Variants in TRPS1 observed in about 807,000 individuals in gnomAD.
TRPS1 encodes zinc finger transcription factor Trps1.
A neutral mutation model predicts 101.2 loss-of-function variants in TRPS1; 6 were observed. That is an observed-to-expected ratio of 0.06 (90% CI 0.03 to 0.12). TRPS1 has a LOEUF of 0.12. Among genes scored for constraint, TRPS1 ranks in the 10% least tolerant of loss-of-function variants. The probability of loss-of-function intolerance (pLI) is 1.00; values close to 1 mark genes in which losing one functional copy is unlikely to be tolerated. For missense variants in TRPS1, 1,363 were observed against 1,567.0 expected, an observed-to-expected ratio of 0.87 and a Z score of 2.20; for synonymous variants, 578 against 589.8, an observed-to-expected ratio of 0.98 and a Z score of 0.29.
In TRPS1 at chr8:115,413,762, T is replaced by C; in HGVS notation, c.*261A>G. The C allele has an allele frequency of 2.2e-6, 1 of 463,940 alleles. No individual in the cohort carries two copies. The highest frequency in any genetic ancestry group is 3.9e-6 in the Non-Finnish European group (1 of 259,076). 28.7% of individuals were successfully genotyped at this position (463,940 alleles called of 1,614,324 possible). ...TATGGATTATTTCCCCAGTACATAT[T>C]AGCCAAGATGGTTTTGACTTAACAG... On this transcript the variant is annotated 3_prime_UTR_variant, in exon 7 of 7. Coordinates refer to ENST00000395715, the MANE Select transcript of TRPS1 (RefSeq NM_014112.5).
intron 5 of TRPS1, among the ~76,000 whole-genome samples, chr8:115,513,461 G>A (rs1313510905): frequency 1.3e-5 from 2 of 151,686 alleles, no homozygotes; most frequent in East Asian, 1.9e-4. Flanking sequence ...TAGACAAGAA[G>A]TGCCTTTTTG....
chr8:115,582,749 T>C (rs918478023), intron 5 of TRPS1, among the ~76,000 whole-genome samples: 1 of 152,196 alleles, frequency 6.6e-6, no homozygotes, highest in Non-Finnish European at 1.5e-5. Context: ...TGAAGCCAAG[T>C]AGCACAAAAT....
chr8:115,656,690 ACTC>A (rs1811684250), intron 1 of TRPS1, among the ~76,000 whole-genome samples: 1 of 151,988 alleles, frequency 6.6e-6, no homozygotes, highest in African/African-American at 2.4e-5. Flanking sequence ...CCCTCTAACT[ACTC>A]CTTAGAAATG....
Position 115,408,720 on chromosome 8 carries a change from TTC to T in TRPS1, c.*5301_*5302del, listed in dbSNP as rs1281868871. The stretch of plus-strand genomic sequence containing the variant: ...ATTCAAATCAGGACTACAAATTGAA[TTC>T]TTTTTCTTAGCAACATGAAATCATT... On this transcript the variant is annotated 3_prime_UTR_variant, in exon 7 of 7. Transcript: ENST00000395715. 4.6e-5 allele frequency: 7 copies of T among 152,100 alleles called. No individual in the cohort carries two copies. Among genetic ancestry groups the T allele is most frequent in the Admixed American group, 1.3e-4 (2 of 15,174 alleles). The allele number at this position is 152,100 out of a possible 1,614,324, so 9.4% of individuals were successfully genotyped here.
intron 5 of TRPS1, among the ~76,000 whole-genome samples, chr8:115,449,834 T>A (rs1368855924): frequency 6.6e-6 from 1 of 152,168 alleles, no homozygotes; most frequent in Non-Finnish European, 1.5e-5. Flanking sequence ...CCCATCAGAC[T>A]GCTGGAAGAG....
chr8:115,535,136 T>G (rs1224601836), intron 5 of TRPS1, among the ~76,000 whole-genome samples: 1 of 148,030 alleles, frequency 6.8e-6, no homozygotes, highest in Non-Finnish European at 1.5e-5. Flanking sequence ...AGCATATATA[T>G]AGCATATATA....
At chr8:115,433,372 G>A in intron 5 of TRPS1, among the ~76,000 whole-genome samples, 1 of 151,772 alleles carries the variant, frequency 6.6e-6, no homozygotes, top group East Asian at 1.9e-4. Flanking sequence ...CAGGCATATT[G>A]GGAATTTTAA....
chr8:115,438,884 A>T (rs1813521542), intron 5 of TRPS1, among the ~76,000 whole-genome samples: 1 of 152,158 alleles, frequency 6.6e-6, no homozygotes, highest in Non-Finnish European at 1.5e-5. Context: ...ATTCACAGTA[A>T]AGCAAGCATT....
At chr8:115,435,897 T>C (rs1362506908) in intron 5 of TRPS1, among the ~76,000 whole-genome samples, 1 of 151,998 alleles carries the variant, frequency 6.6e-6, no homozygotes, top group Non-Finnish European at 1.5e-5. Flanking sequence ...AAGGTAAATA[T>C]ACATGAAGCA....
intron 5 of TRPS1, among the ~76,000 whole-genome samples, chr8:115,566,260 T>C (rs1279764251): frequency 6.6e-6 from 1 of 152,152 alleles, no homozygotes; most frequent in Non-Finnish European, 1.5e-5. Context: ...TAGAAGAGCC[T>C]AAAGTCACTA....
chr8:115,631,470 C>T (rs143295874), intron 1 of TRPS1, among the ~76,000 whole-genome samples: 143 of 152,190 alleles, frequency 9.4e-4, no homozygotes, highest in Middle Eastern at 6.8e-3. Context: ...TCATTTCCAT[C>T]ATCAGCACTA....
chr8:115,631,658 GAT>G (rs1818645458), intron 1 of TRPS1, among the ~76,000 whole-genome samples: 1 of 148,062 alleles, frequency 6.8e-6, no homozygotes, highest in Non-Finnish European at 1.5e-5. Flanking sequence ...TGGATGGATG[GAT>G]GGATGGATGG....
At chr8:115,650,480 A>C (rs1030308239) in intron 1 of TRPS1, among the ~76,000 whole-genome samples, 4 of 152,214 alleles carry the variant, frequency 2.6e-5, no homozygotes, top group Admixed American at 1.3e-4. Flanking sequence ...GGAATGTACA[A>C]TAATAGCAGG....
chr8:115,524,031 G>A (rs1464630282), intron 5 of TRPS1, among the ~76,000 whole-genome samples: 1 of 152,120 alleles, frequency 6.6e-6, no homozygotes, highest in African/African-American at 2.4e-5. Flanking sequence ...CCAGAGTCCA[G>A]AAAATTGTTT....
chr8:115,418,596 G>T lies in TRPS1; in HGVS notation c.2701-144C>A. ...GCCCATAATGAGGTCAGGTTCAATT[G>T]TGTTTAATAGGCACCACTGATTTTC... is the stretch of plus-strand genomic sequence containing the variant. On this transcript the variant is annotated intron_variant, in intron 5 of 6. Coordinates refer to ENST00000395715, the MANE Select transcript of TRPS1 (RefSeq NM_014112.5). This position sits in a 1 kb window ranked among gnomAD's most constrained non-coding sequence, Gnocchi z 4.3. 2 of 1,077,826 alleles carry T rather than the reference G, an allele frequency of 1.9e-6. No homozygotes were observed. The highest frequency in any genetic ancestry group is 1.3e-5 in the South Asian group (1 of 76,036). The allele number at this position is 1,077,826 out of a possible 1,614,324, so 66.8% of individuals were successfully genotyped here.
chr8:115,471,357 T>C (rs534480810), intron 5 of TRPS1, among the ~76,000 whole-genome samples: 4 of 152,222 alleles, frequency 2.6e-5, no homozygotes, highest in South Asian at 4.1e-4. Flanking sequence ...GAAAAGCCGC[T>C]TATAAAGCCA....
chr8:115,661,751 T>TC (rs1811801182), intron 1 of TRPS1: 1 of 149,488 alleles, frequency 6.7e-6, no homozygotes, highest in Non-Finnish European at 1.5e-5. Context: ...TTGATGGATT[T>TC]TTTTTTTTTT....
At chr8:115,486,199 T>A (rs1169083366) in intron 5 of TRPS1, among the ~76,000 whole-genome samples, 1 of 152,134 alleles carries the variant, frequency 6.6e-6, no homozygotes, top group Non-Finnish European at 1.5e-5. Flanking sequence ...TCTTTTATGG[T>A]GATGTGTGAT....
At chr8:115,558,001 T>C (rs1407319629) in intron 5 of TRPS1, among the ~76,000 whole-genome samples, 3 of 152,012 alleles carry the variant, frequency 2.0e-5, no homozygotes, top group African/African-American at 7.3e-5. Context: ...TGATGTGTTC[T>C]TAAAACTAAG....
Sources: allele counts gnomAD v4.1 joint callset (sites outside exome capture counted in the v4.1 genomes callset), GRCh38; gene constraint gnomAD v4.1.1; non-coding constraint Gnocchi (gnomAD v3.1); transcripts MANE v1.5; gene names NCBI Gene and HGNC (gene_info 2026-07-23, HGNC 2026-07-21).